CSMD1: variants seen among roughly 807,000 people sequenced by gnomAD.
The protein encoded by CSMD1 is CUB and Sushi multiple domains 1.
CSMD1 carries 213 observed loss-of-function variants against 417.5 expected under a neutral mutation model. The observed-to-expected ratio is 0.51, with a 90% CI of 0.46 to 0.57. CSMD1 has a LOEUF of 0.57. Among genes scored for constraint, CSMD1 ranks in the 20% least tolerant of loss-of-function variants. The pLI, the probability that CSMD1 is intolerant of heterozygous loss-of-function variation, is 0.00. For missense variants in CSMD1, 6,923 were observed against 4,529.7 expected (o/e 1.53, Z -15.17); for synonymous variants, 2,862 against 1,736.8 (o/e 1.65, Z -16.11).
At chr8:4,692,564 G>A (rs904864876) in intron 1 of CSMD1, among the ~76,000 whole-genome samples, 2 of 152,270 alleles carry the variant, frequency 1.3e-5, no homozygotes, top group South Asian at 4.1e-4. Context: ...GGGCCGGGAA[G>A]ACTGTGAGCC....
chr8:4,053,153 G>C (rs947150337), intron 3 of CSMD1, among the ~76,000 whole-genome samples: 3 of 152,168 alleles, frequency 2.0e-5, no homozygotes, highest in African/African-American at 4.8e-5. Context: ...TGTACAGTTA[G>C]TGAAATCTGA....
Position 4,565,988 on chromosome 8 carries a change from T to C in CSMD1, c.302+71354A>G, listed in dbSNP as rs141117914. Among the ~76,000 whole-genome samples the C allele has an allele frequency of 3.1e-3, 464 of 152,022 alleles. 1 individual carries two copies. The highest frequency in any genetic ancestry group is 9.6e-3 in the African/African-American group (396 of 41,460). ...TCAGTATAATCTATATTTGGGTCTA[T>C]TGAACTATTGTTTATTAATTCTATT... is the stretch of plus-strand genomic sequence containing the variant. On this transcript the variant is annotated intron_variant, in intron 2 of 69. Transcript: ENST00000635120.
chr8:4,799,106 A>T (rs1488611811), intron 1 of CSMD1, among the ~76,000 whole-genome samples: 1 of 152,154 alleles, frequency 6.6e-6, no homozygotes, highest in Non-Finnish European at 1.5e-5. Context: ...CTTCCGGGCC[A>T]TGGGTCACGC....
chr8:3,081,957 C>G (rs1814135187), intron 49 of CSMD1, among the ~76,000 whole-genome samples: 1 of 152,102 alleles, frequency 6.6e-6, no homozygotes, highest in Admixed American at 6.6e-5. Flanking sequence ...ATGAAGCTTC[C>G]TTTCCCTCAC....
chr8:4,774,595 G>T (rs922442160), intron 1 of CSMD1, among the ~76,000 whole-genome samples: 4 of 152,174 alleles, frequency 2.6e-5, no homozygotes, highest in African/African-American at 9.7e-5. Context: ...AAGTTTGGGA[G>T]TTAATCAACT....
intron 1 of CSMD1, among the ~76,000 whole-genome samples, chr8:4,915,747 G>A (rs529079295): frequency 6.6e-6 from 1 of 152,324 alleles, no homozygotes; most frequent in East Asian, 1.9e-4. Flanking sequence ...ACATCCATTT[G>A]GATTTTCCTG....
chr8:4,257,476 C>G (rs528321287), intron 3 of CSMD1, among the ~76,000 whole-genome samples: 6 of 152,236 alleles, frequency 3.9e-5, no homozygotes, highest in South Asian at 2.1e-4. Context: ...TTTAAGAATG[C>G]ATATATTTCT....
At chr8:4,158,401 C>T (rs947568322) in intron 3 of CSMD1, among the ~76,000 whole-genome samples, 1 of 151,942 alleles carries the variant, frequency 6.6e-6, no homozygotes, top group Non-Finnish European at 1.5e-5. Context: ...GCGGTCATCA[C>T]TATTGCAAAA....
chr8:4,080,618 T>C (rs1800081245), intron 3 of CSMD1, among the ~76,000 whole-genome samples: 1 of 152,226 alleles, frequency 6.6e-6, no homozygotes, highest in Non-Finnish European at 1.5e-5. Flanking sequence ...TTCTGGAGTT[T>C]AGAAGCTAAA....
At chr8:4,605,739 C>G (rs1419735475) in intron 2 of CSMD1, among the ~76,000 whole-genome samples, 7 of 152,166 alleles carry the variant, frequency 4.6e-5, no homozygotes, top group Non-Finnish European at 1.0e-4. Flanking sequence ...CGATCTGTGA[C>G]TTGTAAATCT....
intron 1 of CSMD1, among the ~76,000 whole-genome samples, chr8:4,653,694 G>C (rs913770508): frequency 5.3e-5 from 8 of 152,036 alleles, no homozygotes; most frequent in Admixed American, 6.5e-5. Context: ...CTGAAAATAA[G>C]CATAACACAA....
intron 5 of CSMD1, among the ~76,000 whole-genome samples, chr8:3,783,264 TG>T (rs1342553347): frequency 1.5e-4 from 23 of 152,234 alleles, no homozygotes; most frequent in Non-Finnish European, 7.3e-5. Flanking sequence ...CCGGAAAAAC[TG>T]GTTTTTTGCA....
intron 49 of CSMD1, among the ~76,000 whole-genome samples, chr8:3,060,850 C>T (rs1812547241): frequency 6.6e-6 from 1 of 152,146 alleles, no homozygotes; most frequent in African/African-American, 2.4e-5. Flanking sequence ...AGAGTCATGC[C>T]ATTTTGTCCT....
At chr8:4,722,314 G>C (rs1370316849) in intron 1 of CSMD1, among the ~76,000 whole-genome samples, 4 of 151,736 alleles carry the variant, frequency 2.6e-5, no homozygotes, top group Non-Finnish European at 4.4e-5. Flanking sequence ...AATTGTTTTG[G>C]TGAAGAAAAT....
chr8:4,365,199 C>G (rs557720395), intron 3 of CSMD1, among the ~76,000 whole-genome samples: 2 of 152,036 alleles, frequency 1.3e-5, no homozygotes, highest in South Asian at 4.2e-4. Flanking sequence ...ATATTTGCAC[C>G]TTGTCTATAT....
chr8:3,916,513 A>T (rs1339287862), intron 5 of CSMD1, among the ~76,000 whole-genome samples: 1 of 152,206 alleles, frequency 6.6e-6, no homozygotes, highest in African/African-American at 2.4e-5. Context: ...TTAACTTCCT[A>T]CTTAGGGATA....
intron 3 of CSMD1, among the ~76,000 whole-genome samples, chr8:4,081,370 C>A (rs57113112): frequency 0.12 from 18,046 of 152,118 alleles, 1,175 homozygotes; most frequent in Middle Eastern, 0.18. Flanking sequence ...GAATTACAAA[C>A]TGTGATTTCT....
chr8:3,650,167 T>C (rs1161164865), intron 7 of CSMD1, among the ~76,000 whole-genome samples: 1 of 151,718 alleles, frequency 6.6e-6, no homozygotes, highest in Non-Finnish European at 1.5e-5. Context: ...TAATCCCAGC[T>C]ATTGGGGAGG....
intron 23 of CSMD1, among the ~76,000 whole-genome samples, chr8:3,331,269 A>G (rs1429778081): frequency 6.6e-6 from 1 of 151,792 alleles, no homozygotes; most frequent in Non-Finnish European, 1.5e-5. Context: ...CAACTTCCCT[A>G]TTTAGATTCT....
Sources: gnomAD v4.1 joint callset for allele counts (sites outside exome capture counted in the v4.1 genomes callset) on GRCh38, gnomAD v4.1.1 for gene constraint, MANE v1.5 for transcripts, NCBI Gene and HGNC (gene_info 2026-07-23, HGNC 2026-07-21) for gene names.